The following FMN1 variants were observed in gnomAD, a reference collection of about 807,000 sequenced individuals.
The protein encoded by FMN1 is formin 1.
Under a neutral mutation model 132.4 loss-of-function variants are expected in FMN1, and 110 were observed. The ratio of observed to expected loss-of-function variants is 0.83; its 90% CI spans 0.71 to 0.97. The LOEUF (loss-of-function observed/expected upper bound fraction) is 0.97. Among genes scored for constraint, FMN1 ranks in the 50% least tolerant of loss-of-function variants. The probability of loss-of-function intolerance (pLI) is 0.00; values close to 1 mark genes in which losing one functional copy is unlikely to be tolerated. For synonymous variants in FMN1, 722 were observed against 651.7 expected, an observed-to-expected ratio of 1.11 and a Z score of -1.64; for missense variants, 1,792 against 1,705.3, an observed-to-expected ratio of 1.05 and a Z score of -0.90.
intron 6 of FMN1, among the ~76,000 whole-genome samples, chr15:33,024,275 C>A (rs776159541): frequency 1.3e-3 from 139 of 105,018 alleles, no homozygotes; most frequent in Middle Eastern, 0.012. Flanking sequence ...GATGTGGAGT[C>A]TCGCTCTGTC....
intron 10 of FMN1, among the ~76,000 whole-genome samples, chr15:32,918,116 AAG>A (rs1491095894): frequency 6.6e-6 from 1 of 152,150 alleles, no homozygotes; most frequent in East Asian, 1.9e-4. Flanking sequence ...TTAAAAAAAA[AAG>A]AAACCTGGAA....
In FMN1 at chr15:32,901,947, C is replaced by T; in HGVS notation, c.3471G>A (p.Leu1157=). The part of the protein sequence containing the change: ...RSVFSEGITS[L]HRKVEIITRA... ...GCGTGATGATCTCTACCTTTCTGTG[C>T]AAGGAGGTGATACCCTCAGAAAAGA... Residue 1157 remains leucine, a synonymous_variant, in exon 13 of 21, where the codon TTG becomes TTA. Coordinates refer to ENST00000616417, the MANE Select transcript of FMN1 (RefSeq NM_001277313.2). 6.2e-7 allele frequency: 1 copy of T among 1,612,824 alleles called. No homozygotes were observed. The highest frequency in any genetic ancestry group is 1.1e-5 in the South Asian group (1 of 90,820).
chr15:33,145,973 A>C (rs1964201207), intron 4 of FMN1, among the ~76,000 whole-genome samples: 1 of 151,300 alleles, frequency 6.6e-6, no homozygotes, highest in Non-Finnish European at 1.5e-5. Flanking sequence ...CCGTATTACC[A>C]TGAATTTTTT....
chr15:33,144,059 C>T (rs1314577857), intron 4 of FMN1, among the ~76,000 whole-genome samples: 1 of 152,164 alleles, frequency 6.6e-6, no homozygotes, highest in Non-Finnish European at 1.5e-5. Flanking sequence ...GAAAATGTGA[C>T]TTCACGTGAT....
intron 9 of FMN1, among the ~76,000 whole-genome samples, chr15:32,955,838 C>G (rs1352043487): frequency 2.0e-5 from 3 of 151,800 alleles, no homozygotes; most frequent in Non-Finnish European, 4.4e-5. Context: ...CGTGCGCGCA[C>G]GTGTCTGTGT....
At chr15:32,866,113 G>C (rs1249814626) in intron 16 of FMN1, among the ~76,000 whole-genome samples, 5 of 150,934 alleles carry the variant, frequency 3.3e-5, no homozygotes, top group African/African-American at 1.2e-4. Flanking sequence ...AGCATTAGGA[G>C]ATATACCTAA....
At chr15:33,135,658 G>A (rs1476544523) in intron 4 of FMN1, among the ~76,000 whole-genome samples, 2 of 152,222 alleles carry the variant, frequency 1.3e-5, no homozygotes, top group Non-Finnish European at 2.9e-5. Context: ...CAAGGACTGT[G>A]TAAGATGGGA....
At chr15:33,145,705 G>A (rs374063214) in intron 4 of FMN1, among the ~76,000 whole-genome samples, 3 of 150,874 alleles carry the variant, frequency 2.0e-5, no homozygotes, top group Admixed American at 6.6e-5. Context: ...GACTCTGGAC[G>A]GGCATGACTG....
At chr15:33,174,750 G>GCTAGCATA (rs1555412310) in intron 3 of FMN1, among the ~76,000 whole-genome samples, 2 of 92,538 alleles carry the variant, frequency 2.2e-5, no homozygotes, top group East Asian at 4.9e-4. Context: ...CATGTTGCCA[G>GCTAGCATA]CTCCCATACT....
At chr15:32,913,078 C>T (rs2060602557) in intron 10 of FMN1, among the ~76,000 whole-genome samples, 2 of 152,116 alleles carry the variant, frequency 1.3e-5, no homozygotes, top group Admixed American at 1.3e-4. Flanking sequence ...ATGCAACCTT[C>T]CCGAATTCTT....
intron 19 of FMN1, among the ~76,000 whole-genome samples, chr15:32,794,620 G>T (rs2057216790): frequency 6.6e-6 from 1 of 152,044 alleles, no homozygotes; most frequent in African/African-American, 2.4e-5. Context: ...GCCAATAAAG[G>T]TATCAGCAAA....
chr15:32,960,004 T>G (rs1003503848), intron 9 of FMN1, among the ~76,000 whole-genome samples: 1 of 152,186 alleles, frequency 6.6e-6, no homozygotes, highest in Non-Finnish European at 1.5e-5. Flanking sequence ...AATATACAGA[T>G]TTTCCTTTTG....
chr15:33,104,784 T>C (rs138274329), intron 4 of FMN1, among the ~76,000 whole-genome samples: 113 of 152,294 alleles, frequency 7.4e-4, no homozygotes, highest in African/African-American at 2.5e-3. Flanking sequence ...GATATAAATT[T>C]GTAAAGGTAT....
intron 4 of FMN1, among the ~76,000 whole-genome samples, chr15:33,132,187 C>T (rs541215158): frequency 6.6e-6 from 1 of 152,224 alleles, no homozygotes; most frequent in South Asian, 2.1e-4. Context: ...CCCCCTCTTC[C>T]TTCTTTCCTG....
intron 9 of FMN1, among the ~76,000 whole-genome samples, chr15:32,952,737 A>C (rs2061681289): frequency 6.6e-6 from 1 of 152,224 alleles, no homozygotes; most frequent in Admixed American, 6.5e-5. Context: ...TTGGACATGC[A>C]AAATGCCTAA....
intron 18 of FMN1, among the ~76,000 whole-genome samples, chr15:32,800,376 T>G (rs2057437209): frequency 6.6e-6 from 1 of 152,138 alleles, no homozygotes; most frequent in South Asian, 2.1e-4. Context: ...CAAACATACA[T>G]AATGTTGAGA....
At chr15:33,009,237 T>C (rs1596461491) in intron 6 of FMN1, among the ~76,000 whole-genome samples, 1 of 152,288 alleles carries the variant, frequency 6.6e-6, no homozygotes, top group East Asian at 1.9e-4. Flanking sequence ...ATAATCCAAG[T>C]TACCACCATC....
At chr15:32,776,649 A>C (rs1050937388) in intron 20 of FMN1, among the ~76,000 whole-genome samples, 186 bp downstream of exon 20, 1 of 151,916 alleles carries the variant, frequency 6.6e-6, no homozygotes, top group African/African-American at 2.4e-5. Flanking sequence ...TACAGGAAAA[A>C]CATATAAAGC....
At chr15:33,105,766 G>C (rs964962982) in intron 4 of FMN1, 5 of 151,314 alleles carry the variant, frequency 3.3e-5, no homozygotes, top group African/African-American at 1.2e-4. Context: ...TACAATAAAA[G>C]TATCCATTGA....
Sources: allele counts gnomAD v4.1 joint callset (sites outside exome capture counted in the v4.1 genomes callset), GRCh38; gene constraint gnomAD v4.1.1; transcripts MANE v1.5; gene names NCBI Gene and HGNC (gene_info 2026-07-23, HGNC 2026-07-21).